CES5A: variants seen among roughly 807,000 people sequenced by gnomAD.
The protein encoded by CES5A is carboxylesterase 5A.
CES5A carries 67 observed loss-of-function variants against 62.9 expected under a neutral mutation model. The ratio of observed to expected loss-of-function variants is 1.07; its 90% CI spans 0.88 to 1.31. The LOEUF (loss-of-function observed/expected upper bound fraction) is 1.31, where lower values mean the gene tolerates loss of function less well. Ranked by LOEUF, CES5A falls within the 50% of genes most tolerant of loss-of-function variation. The probability of loss-of-function intolerance (pLI) is 0.00; values close to 1 mark genes in which losing one functional copy is unlikely to be tolerated. For missense variants in CES5A, 748 were observed against 708.5 expected (o/e 1.06, Z -0.63); for synonymous variants, 296 against 280.8 (o/e 1.05, Z -0.54).
chr16:55,923,971 A>G (rs901822217), intron 1 of CES5A, among the ~76,000 whole-genome samples: 1 of 151,970 alleles, frequency 6.6e-6, no homozygotes, highest in Admixed American at 6.5e-5. Flanking sequence ...ACTGAATGGG[A>G]AACAATTAAA....
chr16:55,873,355 T>C lies in CES5A; in HGVS notation c.278+478A>G, dbSNP rs193059206. Among the ~76,000 whole-genome samples the C allele has an allele frequency of 2.2e-4, 34 of 152,216 alleles. No homozygotes were observed. The East Asian group carries it at 6.2e-3, about 28-fold the overall frequency. On this transcript the variant is annotated intron_variant, in intron 2 of 12. Transcript: ENST00000290567. The stretch of plus-strand genomic sequence containing the variant: ...GGACTAGGTATTGCATCAGGCACCG[T>C]TTTGACAGCTGGAGCTAACACCCTT...
At chr16:55,891,869 A>G (rs1037518093) in intron 1 of CES5A, among the ~76,000 whole-genome samples, 1 of 152,192 alleles carries the variant, frequency 6.6e-6, no homozygotes, top group Admixed American at 6.5e-5. Flanking sequence ...AACATACGTG[A>G]CAAAGAAGAA....
At chr16:55,850,947 G>A (rs1319159716) in intron 10 of CES5A, among the ~76,000 whole-genome samples, 1 of 152,010 alleles carries the variant, frequency 6.6e-6, no homozygotes, top group Non-Finnish European at 1.5e-5. Context: ...ACATGCAAAA[G>A]AATAAAGGTA....
At chr16:55,955,481 T>C (rs1209902194) in intron 1 of CES5A, among the ~76,000 whole-genome samples, 1 of 152,254 alleles carries the variant, frequency 6.6e-6, no homozygotes, top group African/African-American at 2.4e-5. Flanking sequence ...TTAATAAATC[T>C]TTCTCCACAT....
rs539096120 is a variant in CES5A at position 55,874,608 on chromosome 16, A to G, written c.73+541T>C. On this transcript the variant is annotated intron_variant, in intron 1 of 12. Transcript: ENST00000290567. ...GGTATATGCTTTTGAATACACATGAATATTCATGGGTGAAAATTTAAAATT... is the reference window on the plus strand; with the variant it reads ...GGTATATGCTTTTGAATACACATGAGTATTCATGGGTGAAAATTTAAAATT... Among the ~76,000 whole-genome samples, 20 of 152,244 alleles carry G rather than the reference A, an allele frequency of 1.3e-4. No individual in the cohort carries two copies. In the East Asian group the frequency reaches 3.9e-3, roughly 29 times the overall value.
At chr16:55,913,436 C>T (rs1203870983) in intron 1 of CES5A, among the ~76,000 whole-genome samples, 1 of 152,144 alleles carries the variant, frequency 6.6e-6, no homozygotes, top group Non-Finnish European at 1.5e-5. Context: ...GGCTGCATGA[C>T]CCCTGAACTG....
At chr16:55,937,787 G>T (rs943219537) in intron 2 of CES5A, among the ~76,000 whole-genome samples, 1 of 151,958 alleles carries the variant, frequency 6.6e-6, no homozygotes, top group African/African-American at 2.4e-5. Flanking sequence ...CCTTGGACAG[G>T]GCCCTTTCCC....
chr16:55,900,196 G>A (rs1035787185), intron 1 of CES5A, among the ~76,000 whole-genome samples: 3 of 152,146 alleles, frequency 2.0e-5, no homozygotes, highest in African/African-American at 7.2e-5. Flanking sequence ...ACTTACTGCT[G>A]TCATGCCCTG....
chr16:55,869,871 G>A, intron 3 of CES5A, 127 bp from the exon 4 acceptor site: 1 of 1,326,908 alleles, frequency 7.5e-7, no homozygotes, highest in Non-Finnish European at 1.0e-6. Flanking sequence ...GCGAGGTTTT[G>A]TCATTTGAAG....
intron 1 of CES5A, among the ~76,000 whole-genome samples, chr16:55,894,511 A>AG (rs1555484112): frequency 1.0e-3 from 158 of 150,836 alleles, no homozygotes; most frequent in South Asian, 5.2e-3. Context: ...AAAAAAAAAA[A>AG]AAAAGAAAAG....
intron 2 of CES5A, among the ~76,000 whole-genome samples, chr16:55,934,246 C>A (rs1475196427): frequency 1.3e-5 from 2 of 152,116 alleles, no homozygotes; most frequent in African/African-American, 4.8e-5. Context: ...ATTGTTCTGC[C>A]TTTCCTCACT....
intron 9 of CES5A, among the ~76,000 whole-genome samples, chr16:55,854,131 G>A (rs1323430319): frequency 2.0e-5 from 3 of 152,140 alleles, no homozygotes; most frequent in African/African-American, 7.2e-5. Context: ...TGGAGTCTCA[G>A]GTGAGTCCTC....
Position 55,869,672 on chromosome 16 carries a change from C to T in CES5A, c.490G>A (p.Ala164Thr). 6.2e-7 allele frequency: 1 copy of T among 1,613,180 alleles called. No homozygotes were observed. The highest frequency in any genetic ancestry group is 8.5e-7 in the Non-Finnish European group (1 of 1,179,584). ...ACCACAACCAGCACGTCCTCATAGG[C>T]AGCCAGGGCGGACCCATCAAAGATG... ...ASIFDGSALA[A>T]YEDVLVVVVQ... is the part of the protein sequence containing the mutation. Residue 164 changes from alanine (A) to threonine (T), a missense_variant, in exon 4 of 13, where the codon GCC becomes ACC. Transcript: ENST00000290567.
At chr16:55,866,743 CAGG>C (rs1192344839) in intron 4 of CES5A, among the ~76,000 whole-genome samples, 1 of 150,998 alleles carries the variant, frequency 6.6e-6, no homozygotes, top group African/African-American at 2.4e-5. Context: ...GAGGCTGAGG[CAGG>C]AGAATGGCTT....
intron 1 of CES5A, among the ~76,000 whole-genome samples, chr16:55,951,580 A>G (rs1160044665): frequency 6.6e-6 from 1 of 152,222 alleles, no homozygotes; most frequent in East Asian, 1.9e-4. Context: ...TGAGACAGAG[A>G]GGTTAAAAAT....
chr16:55,889,307 CA>C (rs1168974393), intron 1 of CES5A, among the ~76,000 whole-genome samples: 2 of 152,146 alleles, frequency 1.3e-5, no homozygotes, highest in East Asian at 3.9e-4. Context: ...GAGACAGCAG[CA>C]AATCCCACAG....
At chr16:55,871,502 TG>T in intron 3 of CES5A, 122 bp downstream of exon 3, 1 of 1,059,082 alleles carries the variant, frequency 9.4e-7, no homozygotes, top group Non-Finnish European at 1.3e-6. Context: ...ATTGTTGATG[TG>T]ATTACATTTC....
At chr16:55,864,799 C>T (rs1228655028) in intron 5 of CES5A, among the ~76,000 whole-genome samples, 2 of 151,936 alleles carry the variant, frequency 1.3e-5, no homozygotes, top group Non-Finnish European at 2.9e-5. Context: ...GTCCTAGCTC[C>T]TTGGGAGGCT....
At chr16:55,879,134 TTGCACCTCCACTGCTACCCCATCAC>T (rs2033734391), upstream of CES5A, among the ~76,000 whole-genome samples, 1 of 120,668 alleles carries the variant, frequency 8.3e-6, no homozygotes, top group Non-Finnish European at 1.7e-5. Flanking sequence ...CACCCCACCA[TTGCACCTCCACTGCTACCCCATCAC>T]TGCACCCCAC....
Sources: gnomAD v4.1 joint callset for allele counts (sites outside exome capture counted in the v4.1 genomes callset) on GRCh38, gnomAD v4.1.1 for gene constraint, MANE v1.5 for transcripts, NCBI Gene and HGNC (gene_info 2026-07-23, HGNC 2026-07-21) for gene names.